FREM1: variants seen among roughly 807,000 people sequenced by gnomAD.
FREM1 encodes FRAS1-related extracellular matrix protein 1.
Under a neutral mutation model 210.1 loss-of-function variants are expected in FREM1, and 220 were observed. The ratio of observed to expected loss-of-function variants is 1.05; its 90% CI spans 0.94 to 1.17. The LOEUF (loss-of-function observed/expected upper bound fraction) is 1.17, where lower values mean the gene tolerates loss of function less well. Ranked by LOEUF, FREM1 falls within the 50% of genes most tolerant of loss-of-function variation. The pLI, the probability that FREM1 is intolerant of heterozygous loss-of-function variation, is 0.00. For synonymous variants in FREM1, 1,189 were observed against 980.2 expected, an observed-to-expected ratio of 1.21 and a Z score of -3.98; for missense variants, 3,454 against 2,675.5, an observed-to-expected ratio of 1.29 and a Z score of -6.42.
intron 1 of FREM1, 38 bp from the exon 2 acceptor site, chr9:14,869,282 G>A: frequency 3.4e-6 from 1 of 297,124 alleles, no homozygotes; most frequent in Non-Finnish European, 6.3e-6. Flanking sequence ...AAGCGAGAGA[G>A]AGACCAAAAG....
At chr9:14,883,182 TC>T (rs1209436436) in intron 1 of FREM1, among the ~76,000 whole-genome samples, 1 of 152,164 alleles carries the variant, frequency 6.6e-6, no homozygotes, top group East Asian at 1.9e-4. Flanking sequence ...ATTTTTTCTT[TC>T]TCATAGTCTT....
chr9:14,807,598 T>C (rs1314578235), intron 17 of FREM1, among the ~76,000 whole-genome samples: 1 of 152,054 alleles, frequency 6.6e-6, no homozygotes, highest in African/African-American at 2.4e-5. Context: ...AGCAAGCAAA[T>C]TACATTTTCC....
In FREM1 at chr9:14,804,580, A is replaced by G. The variant is rs1001013633; in HGVS notation, c.3471+376T>C. ...AGCCTGGGCGACAGAGCGGGACTCC[A>G]TCTCAAAAAACAAAAAACAAAAAAA... On this transcript the variant is annotated intron_variant, in intron 19 of 36. Transcript: ENST00000380880. 3.5e-4 allele frequency among the ~76,000 whole-genome samples: 54 copies of G among 152,272 alleles called. 1 individual carries two copies. The highest frequency in any genetic ancestry group is 5.3e-4 in the African/African-American group (22 of 41,566).
rs150794346 is a variant in FREM1 at position 14,841,438 on chromosome 9, G to A, written c.1881+9C>T. ...GACTTTGGGAAAGTGTTCAGAAACA[G>A]TCTCTTACCTGTGGCACTGAAAGAT... is the stretch of plus-strand genomic sequence containing the variant. On this transcript the variant is annotated intron_variant, in intron 10 of 36. Coordinates refer to ENST00000380880, the MANE Select transcript of FREM1 (RefSeq NM_001379081.2). 8.8e-6 allele frequency: 14 copies of A among 1,591,708 alleles called. No homozygotes were observed. The East Asian group carries it at 2.7e-4, about 31-fold the overall frequency.
chr9:14,750,055 C>T (rs1035347529), intron 30 of FREM1, 72 bp downstream of exon 30: 15 of 1,469,034 alleles, frequency 1.0e-5, no homozygotes, highest in African/African-American at 7.1e-5. Context: ...TTATCAAGCA[C>T]GTTGGCTGTT....
At chr9:14,900,907 T>C (rs1368660625) in intron 1 of FREM1, among the ~76,000 whole-genome samples, 1 of 152,224 alleles carries the variant, frequency 6.6e-6, no homozygotes, top group Non-Finnish European at 1.5e-5. Flanking sequence ...ACTTTAGTTT[T>C]TTCCTATGTT....
intron 1 of FREM1, among the ~76,000 whole-genome samples, chr9:14,884,949 G>A: frequency 9.1e-6 from 1 of 109,314 alleles, no homozygotes; most frequent in East Asian, 2.8e-4. Context: ...TTTTGAGACG[G>A]AGTCTCGCTC....
rs1347276192 is a variant in FREM1, at chr9:14,813,003, C to A, written c.2702G>T (p.Cys901Phe). The A allele has an allele frequency of 6.2e-7, 1 of 1,613,722 alleles. No homozygotes were observed. Among genetic ancestry groups the A allele is most frequent in the Non-Finnish European group, 8.5e-7 (1 of 1,179,790 alleles). The change falls in exon 16 of 37, where the codon TGC (cysteine) becomes TTC (phenylalanine). Residue 901 changes from cysteine to phenylalanine, a missense_variant. Physicochemically the swap from Cys to Phe is radical, Grantham distance 205. Coordinates refer to ENST00000380880, the MANE Select transcript of FREM1 (RefSeq NM_001379081.2). ...GATGACCACCTCTCCTCCCTCTGAG[C>A]AATTCATGACAGGCATGAGGTCAGC... The part of the protein sequence containing the change: ...LKADLMPVMN[C>F]SEGGEVVITS...
chr9:14,759,524 T>TAATAATAATAATAATAA (rs1845072246), intron 28 of FREM1, among the ~76,000 whole-genome samples: 2 of 147,802 alleles, frequency 1.4e-5, no homozygotes, highest in African/African-American at 5.1e-5. Flanking sequence ...ATAACAATAA[T>TAATAATAATAATAATAA]AATAATAATA....
At position 14,868,959 on chromosome 9, in the gene FREM1, CCCAA is replaced by C; in HGVS notation, c.15_18del (p.Ser5ArgfsTer27). 1 of 1,585,256 alleles carries C rather than the reference CCCAA, an allele frequency of 6.3e-7. No homozygotes were observed. Among genetic ancestry groups the C allele is most frequent in the Non-Finnish European group, 8.6e-7 (1 of 1,168,370 alleles). ...AGCAGCAGCACGGCATTCGCAGCCCCCCAACTCAGAGAGTTCATGCTGACAGGGC... is the reference window on the plus strand; with the variant it reads ...AGCAGCAGCACGGCATTCGCAGCCCCCTCAGAGAGTTCATGCTGACAGGGC... On this transcript the variant is annotated frameshift_variant, in exon 2 of 37. Coordinates refer to ENST00000380880, the MANE Select transcript of FREM1 (RefSeq NM_001379081.2). LOFTEE classifies it high-confidence loss of function.
intron 2 of FREM1, among the ~76,000 whole-genome samples, chr9:14,865,897 T>C (rs1270083435): frequency 6.6e-5 from 10 of 152,012 alleles, no homozygotes; most frequent in Admixed American, 6.6e-4. Flanking sequence ...AGTTCTCCCA[T>C]GATATAGATT....
intron 1 of FREM1, among the ~76,000 whole-genome samples, chr9:14,898,911 A>G (rs1838263933): frequency 6.6e-6 from 1 of 152,144 alleles, no homozygotes; most frequent in African/African-American, 2.4e-5. Flanking sequence ...GTATATAGGA[A>G]CTCTGAACTT....
At chr9:14,880,654 T>C (rs1421432849) in intron 1 of FREM1, among the ~76,000 whole-genome samples, 1 of 147,600 alleles carries the variant, frequency 6.8e-6, no homozygotes, top group Non-Finnish European at 1.5e-5. Context: ...TCATGTAAAA[T>C]TGCATGTGTG....
At chr9:14,770,461 C>G in intron 26 of FREM1, 144 bp downstream of exon 26, 1 of 617,246 alleles carries the variant, frequency 1.6e-6, no homozygotes, top group Non-Finnish European at 2.8e-6. Flanking sequence ...TCTTTAGGAG[C>G]AATATTGATT....
chr9:14,891,711 A>G lies in FREM1; in HGVS notation c.-268+18203T>C, dbSNP rs541149696. Reference sequence around the variant, plus strand: ...GGAAAGAGTTAAATTTGAAAGAAAAATTAGTATTGAGAAAGGTGCATAGGA... The same window carrying G: ...GGAAAGAGTTAAATTTGAAAGAAAAGTTAGTATTGAGAAAGGTGCATAGGA... On this transcript the variant is annotated intron_variant, in intron 1 of 36. Coordinates refer to ENST00000380880, the MANE Select transcript of FREM1 (RefSeq NM_001379081.2). Among the ~76,000 whole-genome samples, 12 of 152,372 alleles carry G rather than the reference A, an allele frequency of 7.9e-5. No individual in the cohort carries two copies. In the South Asian group the frequency reaches 2.5e-3, roughly 32 times the overall value.
In FREM1 at chr9:14,805,028, C is replaced by T. The variant is rs1415799956; in HGVS notation, c.3399G>A (p.Leu1133=). The T allele has an allele frequency of 6.2e-7, 1 of 1,613,570 alleles. No individual in the cohort carries two copies. The highest frequency in any genetic ancestry group is 1.3e-5 in the African/African-American group (1 of 74,884). ...TGATTATAATAGAAAATGGTATCTC[C>T]AAGGAGTGATGCTTCCCATCTGTGA... ...VYVTDGKHHS[L]EIPFSIIINP... is the part of the protein sequence containing the mutation. The change falls in exon 19 of 37, where the codon TTG becomes TTA. Residue 1133 remains leucine, a synonymous_variant. Coordinates refer to ENST00000380880, the MANE Select transcript of FREM1 (RefSeq NM_001379081.2).
chr9:14,813,206 G>A (rs947998805), intron 15 of FREM1, 142 bp from the exon 16 acceptor site: 1 of 847,314 alleles, frequency 1.2e-6, no homozygotes, highest in Non-Finnish European at 1.8e-6. Flanking sequence ...ATTTGGCCAA[G>A]TAATCTGTGT....
Position 14,824,975 on chromosome 9 carries a change from T to A in FREM1, c.1899A>T (p.Ile633=), listed in dbSNP as rs764403811. The A allele has an allele frequency of 1.1e-5, 17 of 1,583,572 alleles. No homozygotes were observed. The South Asian group carries it at 1.6e-4, about 15-fold the overall frequency. Reference sequence around the variant, plus strand: ...TTGGAAGCTGGTCATCCACTGGAGTTATATGGATTGTTGCCACCTGGAATA... The same window carrying A: ...TTGGAAGCTGGTCATCCACTGGAGTAATATGGATTGTTGCCACCTGGAATA... ...LSVPQVATIH[I]TPVDDQLPKE... Residue 633 remains isoleucine, a synonymous_variant, in exon 11 of 37, where the codon ATA becomes ATT. Transcript: ENST00000380880.
chr9:14,844,554 A>G (rs971233161), intron 8 of FREM1, among the ~76,000 whole-genome samples: 10 of 151,720 alleles, frequency 6.6e-5, no homozygotes, highest in African/African-American at 2.4e-4. Context: ...TGGCAGGTGC[A>G]CCCCATTATT....
Sources: allele counts gnomAD v4.1 joint callset (sites outside exome capture counted in the v4.1 genomes callset), GRCh38; gene constraint gnomAD v4.1.1; transcripts MANE v1.5; gene names NCBI Gene and HGNC (gene_info 2026-07-23, HGNC 2026-07-21).